DOCK3: variants seen among roughly 807,000 people sequenced by gnomAD.
The protein encoded by DOCK3 is dedicator of cytokinesis protein 3.
In DOCK3, 60 loss-of-function variants were observed where a neutral mutation model predicts 265.6. The ratio of observed to expected loss-of-function variants is 0.23; its 90% CI spans 0.18 to 0.28. The LOEUF is 0.28. Among genes scored for constraint, DOCK3 ranks in the 10% least tolerant of loss-of-function variants. The pLI is 1.00. For synonymous variants in DOCK3, 881 were observed against 938.0 expected (o/e 0.94, Z 1.11); for missense variants, 1,981 against 2,594.3 (o/e 0.76, Z 5.14).
chr3:51,049,099 G>T (rs1227295491), intron 5 of DOCK3, among the ~76,000 whole-genome samples: 1 of 152,204 alleles, frequency 6.6e-6, no homozygotes, highest in Non-Finnish European at 1.5e-5. Flanking sequence ...GGCCAGGCAG[G>T]CAGATTCCTT....
chr3:51,194,702 C>T (rs1162320147), intron 12 of DOCK3, among the ~76,000 whole-genome samples: 1 of 151,564 alleles, frequency 6.6e-6, no homozygotes. Flanking sequence ...AGTCTGTTTT[C>T]TCTAGTATAA....
intron 14 of DOCK3, among the ~76,000 whole-genome samples, chr3:51,222,141 A>C (rs989694435): frequency 6.6e-5 from 10 of 152,310 alleles, no homozygotes; most frequent in African/African-American, 2.4e-4. Context: ...TATGCAAACT[A>C]ACCTCCAAAA....
At chr3:51,221,423 A>G (rs972062642) in intron 14 of DOCK3, among the ~76,000 whole-genome samples, 11 of 152,214 alleles carry the variant, frequency 7.2e-5, no homozygotes, top group African/African-American at 2.7e-4. Flanking sequence ...GCCAGTGAAG[A>G]ATGTTTTTCT....
chr3:50,883,201 G>A (rs1265127852), intron 3 of DOCK3, among the ~76,000 whole-genome samples: 2 of 151,906 alleles, frequency 1.3e-5, no homozygotes, highest in Non-Finnish European at 2.9e-5. Flanking sequence ...CACCAACATG[G>A]CACATGTATA....
In DOCK3 at chr3:51,360,649, G is replaced by A. The variant is rs748537894; in HGVS notation, c.5006+17G>A. 5 of 1,613,330 alleles carry A rather than the reference G, an allele frequency of 3.1e-6. No homozygotes were observed. The Admixed American group carries it at 8.3e-5, about 27-fold the overall frequency. ...CCGGCACAGGTATGGCCTTAGGGCT[G>A]GGGAGGGTTCCCTCTGGAGAGGTGA... is the stretch of plus-strand genomic sequence containing the variant. On this transcript the variant is annotated intron_variant, in intron 47 of 52. Coordinates refer to ENST00000266037, the MANE Select transcript of DOCK3 (RefSeq NM_004947.5).
At chr3:50,992,276 A>G (rs6446243) in intron 5 of DOCK3, among the ~76,000 whole-genome samples, 115,035 of 152,134 alleles carry the variant, frequency 0.76, 44,626 homozygotes, top group Middle Eastern at 0.88. Flanking sequence ...GTGAAAAACA[A>G]TTCAAAAGAT....
Position 51,129,178 on chromosome 3 carries a change from C to T in DOCK3, c.747-17371C>T, listed in dbSNP as rs577548007. On this transcript the variant is annotated intron_variant, in intron 9 of 52. Transcript: ENST00000266037. ...ACATCTGGCCATTTCTCCTTCCATGCAAAGTGCACAACCAGGTGCACTACT... is the reference window on the plus strand; with the variant it reads ...ACATCTGGCCATTTCTCCTTCCATGTAAAGTGCACAACCAGGTGCACTACT... Among the ~76,000 whole-genome samples the T allele has an allele frequency of 3.9e-5, 6 of 152,362 alleles. 1 individual carries two copies. In the South Asian group the frequency reaches 1.2e-3, roughly 32 times the overall value.
intron 1 of DOCK3, among the ~76,000 whole-genome samples, chr3:50,732,989 G>T (rs896814240): frequency 1.3e-5 from 2 of 151,928 alleles, no homozygotes; most frequent in Non-Finnish European, 2.9e-5. Context: ...TTTAAAGATG[G>T]GAGGCTGGTC....
intron 5 of DOCK3, among the ~76,000 whole-genome samples, chr3:50,989,153 G>C (rs1443222444): frequency 6.6e-6 from 1 of 152,110 alleles, no homozygotes; most frequent in Non-Finnish European, 1.5e-5. Context: ...CCTGGCTTGG[G>C]CCCACAGCAC....
intron 5 of DOCK3, among the ~76,000 whole-genome samples, chr3:50,958,885 G>A (rs1291062244): frequency 2.0e-5 from 3 of 152,088 alleles, no homozygotes; most frequent in Admixed American, 6.6e-5. Context: ...GTTATATTAG[G>A]CATTGGGAAG....
At chr3:50,831,005 A>G (rs115888014) in intron 2 of DOCK3, among the ~76,000 whole-genome samples, 7,208 of 152,024 alleles carry the variant, frequency 0.047, 268 homozygotes, top group Non-Finnish European at 0.072. Flanking sequence ...TTTAAACCAT[A>G]TAGCATAACT....
Position 51,214,130 on chromosome 3 carries a change from A to G in DOCK3, c.1135A>G (p.Ile379Val), listed in dbSNP as rs765105685. The G allele has an allele frequency of 1.9e-6, 3 of 1,613,672 alleles. No homozygotes were observed. Among genetic ancestry groups the G allele is most frequent in the African/African-American group, 2.7e-5 (2 of 74,898 alleles). ...SAPSASHGLIISLQLLRGDME... is the reference protein window; with the variant it reads ...SAPSASHGLIVSLQLLRGDME... ...TGCTTTTGTTTTTGCAGGTCTTATC[A>G]TTTCTCTGCAGCTTCTTCGTGGAGA... The change falls in exon 14 of 53, where the codon ATT (isoleucine) becomes GTT (valine). Residue 379 changes from isoleucine to valine, a missense_variant. By Grantham distance (29) the Ile-to-Val change is conservative (BLOSUM62 3). This residue lies in a region of DOCK3 where 456 missense variants were observed against 539.0 expected (regional missense o/e 0.85). Coordinates refer to ENST00000266037, the MANE Select transcript of DOCK3 (RefSeq NM_004947.5).
chr3:51,228,544 G>T, intron 17 of DOCK3, 117 bp from the exon 18 acceptor site: 1 of 1,143,476 alleles, frequency 8.7e-7, no homozygotes, highest in Non-Finnish European at 1.2e-6. Context: ...GAGGACCTGA[G>T]GCCCAACGTT....
chr3:51,006,252 C>T (rs1575733963), intron 5 of DOCK3, among the ~76,000 whole-genome samples: 1 of 143,970 alleles, frequency 6.9e-6, no homozygotes, highest in Admixed American at 6.9e-5. Context: ...CCCAATCCTG[C>T]TTTTTTTTTT....
chr3:50,746,109 A>AT (rs562706919), intron 1 of DOCK3, among the ~76,000 whole-genome samples: 100,284 of 135,464 alleles, frequency 0.74, 38,045 homozygotes, highest in Middle Eastern at 0.86. Flanking sequence ...ATGATGTCTA[A>AT]TTTTTTTTTT....
Position 51,249,561 on chromosome 3 carries a change from G to GC in DOCK3, c.2184+2760dup, listed in dbSNP as rs1183602651. 2.4e-4 allele frequency among the ~76,000 whole-genome samples: 25 copies of GC among 102,088 alleles called. 2 individuals carry two copies. Among genetic ancestry groups the GC allele is most frequent in the African/African-American group, 9.3e-4 (25 of 26,826 alleles). The allele number at this position is 102,088 out of a possible 152,430, so 67.0% of individuals were successfully genotyped here. On this transcript the variant is annotated intron_variant, in intron 22 of 52. Coordinates refer to ENST00000266037, the MANE Select transcript of DOCK3 (RefSeq NM_004947.5). ...GTCCGGGAGGGAGGTGGGCGGGTCA[G>GC]CCCCCCGCCCGGCCAGCCGCCCAGT...
intron 1 of DOCK3, among the ~76,000 whole-genome samples, chr3:50,678,088 T>C (rs1219405289): frequency 1.3e-5 from 2 of 152,104 alleles, no homozygotes; most frequent in African/African-American, 2.4e-5. Flanking sequence ...TTTTTTGTCC[T>C]TCAACGATTG....
intron 1 of DOCK3, among the ~76,000 whole-genome samples, chr3:50,748,960 T>G (rs1447540528): frequency 2.0e-5 from 3 of 152,174 alleles, no homozygotes; most frequent in Admixed American, 6.5e-5. Flanking sequence ...CAAATAATGC[T>G]GTCTTTTAGA....
intron 1 of DOCK3, among the ~76,000 whole-genome samples, chr3:50,695,881 C>A (rs760159562): frequency 6.6e-6 from 1 of 152,124 alleles, no homozygotes; most frequent in Non-Finnish European, 1.5e-5. Context: ...GCCTTCTGAG[C>A]CAGAGTAGGC....
Sources: gnomAD v4.1 joint callset for allele counts (sites outside exome capture counted in the v4.1 genomes callset) on GRCh38, gnomAD v4.1.1 for gene constraint, gnomAD v4.1.1 regional missense constraint, MANE v1.5 for transcripts, NCBI Gene and HGNC (gene_info 2026-07-23, HGNC 2026-07-21) for gene names.